The following HTR1F variants were observed in gnomAD, a reference collection of about 807,000 sequenced individuals.
The protein encoded by HTR1F is 5-hydroxytryptamine (serotonin) receptor 1F, G protein-coupled.
In HTR1F, 17 loss-of-function variants were observed where a neutral mutation model predicts 24.0. The observed-to-expected ratio is 0.71, with a 90% CI of 0.48 to 1.06. The LOEUF (loss-of-function observed/expected upper bound fraction) is 1.06, where lower values mean the gene tolerates loss of function less well. HTR1F is among the 50% of genes least tolerant of loss of function. The probability of loss-of-function intolerance (pLI) is 0.00; values close to 1 mark genes in which losing one functional copy is unlikely to be tolerated. For missense variants in HTR1F, 391 were observed against 427.8 expected, an observed-to-expected ratio of 0.91 and a Z score of 0.76; for synonymous variants, 186 against 156.8, an observed-to-expected ratio of 1.19 and a Z score of -1.39.
intron 2 of HTR1F, among the ~76,000 whole-genome samples, chr3:87,913,338 C>G (rs1703821864): frequency 6.6e-6 from 1 of 152,116 alleles, no homozygotes; most frequent in Non-Finnish European, 1.5e-5. Context: ...CCAAAAAAAG[C>G]TCAACATCAC....
chr3:87,931,381 T>A (rs1283192373), intron 2 of HTR1F, among the ~76,000 whole-genome samples: 1 of 152,210 alleles, frequency 6.6e-6, no homozygotes, highest in African/African-American at 2.4e-5. Flanking sequence ...CGTGAACTCA[T>A]CATTTCTTAT....
chr3:87,912,691 A>G (rs79333755), intron 2 of HTR1F, among the ~76,000 whole-genome samples: 1 of 151,496 alleles, frequency 6.6e-6, no homozygotes, highest in African/African-American at 2.4e-5. Context: ...TTCAAGCTAC[A>G]CTACAGGGCT....
chr3:87,902,768 TC>T (rs1706357410), intron 2 of HTR1F, among the ~76,000 whole-genome samples: 1 of 107,504 alleles, frequency 9.3e-6, no homozygotes, highest in Non-Finnish European at 1.7e-5. Flanking sequence ...CCCACAACAG[TC>T]CCCAGAGTGT....
intron 2 of HTR1F, among the ~76,000 whole-genome samples, chr3:87,927,780 A>G (rs903443882): frequency 6.6e-6 from 1 of 152,170 alleles, no homozygotes; most frequent in Non-Finnish European, 1.5e-5. Context: ...AGTGCTAGTT[A>G]CTGGAGATAC....
chr3:87,852,829 T>C (rs1008987040), intron 2 of HTR1F, among the ~76,000 whole-genome samples: 1 of 151,770 alleles, frequency 6.6e-6, no homozygotes, highest in African/African-American at 2.4e-5. Flanking sequence ...CCACAAAATA[T>C]TAAAACTTAT....
chr3:87,909,624 A>G (rs1469369471), intron 2 of HTR1F, among the ~76,000 whole-genome samples: 1 of 152,080 alleles, frequency 6.6e-6, no homozygotes. Context: ...GCTGCATAAA[A>G]CAGAAATAAA....
intron 2 of HTR1F, among the ~76,000 whole-genome samples, chr3:87,892,686 A>AATT (rs1385846134): frequency 3.3e-5 from 5 of 152,144 alleles, no homozygotes; most frequent in African/African-American, 1.2e-4. Context: ...TTGTGGTTTT[A>AATT]ATTATCTAGA....
intron 2 of HTR1F, among the ~76,000 whole-genome samples, chr3:87,895,039 G>A (rs1706168950): frequency 6.6e-6 from 1 of 152,076 alleles, no homozygotes; most frequent in Non-Finnish European, 1.5e-5. Flanking sequence ...AGGATTAAAG[G>A]GGGTTAACCA....
At chr3:87,873,940 A>C (rs1705614219) in intron 2 of HTR1F, among the ~76,000 whole-genome samples, 1 of 152,176 alleles carries the variant, frequency 6.6e-6, no homozygotes, top group Non-Finnish European at 1.5e-5. Context: ...TTCATGATTA[A>C]AACACTCAAC....
chr3:87,990,631 T>C (rs1705799493), intron 2 of HTR1F, 77 bp from the exon 3 acceptor site: 3 of 711,784 alleles, frequency 4.2e-6, no homozygotes, highest in Non-Finnish European at 4.6e-6. Context: ...ACATACACTT[T>C]TTAAAAATTA....
At chr3:87,922,974 A>C (rs760294809) in intron 2 of HTR1F, among the ~76,000 whole-genome samples, 5 of 150,306 alleles carry the variant, frequency 3.3e-5, no homozygotes, top group Non-Finnish European at 7.4e-5. Flanking sequence ...GTCTAGTTTC[A>C]TTCTTCTTCA....
chr3:87,950,560 T>TA (rs11463837), intron 2 of HTR1F, among the ~76,000 whole-genome samples: 26,508 of 145,098 alleles, frequency 0.18, 2,815 homozygotes, highest in African/African-American at 0.31. Flanking sequence ...AGTGTCAACT[T>TA]AAAAAAAAAA....
intron 2 of HTR1F, among the ~76,000 whole-genome samples, chr3:87,845,695 G>A (rs1181995481): frequency 6.6e-6 from 1 of 151,760 alleles, no homozygotes; most frequent in South Asian, 2.1e-4. Flanking sequence ...TCCCCATCAA[G>A]CTACCAATGA....
intron 1 of HTR1F, among the ~76,000 whole-genome samples, chr3:87,798,479 A>T (rs1009225539): frequency 5.3e-5 from 8 of 150,944 alleles, no homozygotes; most frequent in Non-Finnish European, 1.5e-5. Flanking sequence ...AGATTATATC[A>T]CTCCCATCCA....
intron 2 of HTR1F, among the ~76,000 whole-genome samples, chr3:87,919,403 C>T (rs1703963459): frequency 1.3e-5 from 2 of 151,982 alleles, no homozygotes; most frequent in East Asian, 1.9e-4. Context: ...AGCTTTTGCA[C>T]GGCAAAAGGA....
At chr3:87,864,330 A>T (rs1272179752) in intron 2 of HTR1F, among the ~76,000 whole-genome samples, 1 of 152,166 alleles carries the variant, frequency 6.6e-6, no homozygotes, top group Non-Finnish European at 1.5e-5. Flanking sequence ...CCCAAATCTC[A>T]GTTCACTCCT....
intron 2 of HTR1F, among the ~76,000 whole-genome samples, chr3:87,863,017 A>G (rs1273877416): frequency 6.6e-6 from 1 of 152,116 alleles, no homozygotes; most frequent in African/African-American, 2.4e-5. Context: ...GGGTTTCACC[A>G]TTTCGGCCAG....
intron 2 of HTR1F, among the ~76,000 whole-genome samples, chr3:87,945,388 T>C (rs1704673258): frequency 6.6e-6 from 1 of 152,104 alleles, no homozygotes; most frequent in Non-Finnish European, 1.5e-5. Flanking sequence ...GAGGCAGGGA[T>C]CAGAGGAAGT....
intron 1 of HTR1F, among the ~76,000 whole-genome samples, chr3:87,798,297 G>C (rs1703938694): frequency 6.6e-6 from 1 of 151,902 alleles, no homozygotes; most frequent in Non-Finnish European, 1.5e-5. Flanking sequence ...ATGTCTATCT[G>C]CTCAGCTCCT....
Sources: allele counts gnomAD v4.1 joint callset (sites outside exome capture counted in the v4.1 genomes callset), GRCh38; gene constraint gnomAD v4.1.1; transcripts MANE v1.5; gene names NCBI Gene and HGNC (gene_info 2026-07-23, HGNC 2026-07-21).